The following PTCH2 variants were observed in gnomAD, a reference collection of about 807,000 sequenced individuals.
PTCH2 encodes the protein patched 2.
Under a neutral mutation model 117.9 loss-of-function variants are expected in PTCH2, and 96 were observed. The ratio of observed to expected loss-of-function variants is 0.81; its 90% CI spans 0.69 to 0.96. PTCH2 has a LOEUF of 0.96. Among genes scored for constraint, PTCH2 ranks in the 50% least tolerant of loss-of-function variants. The pLI is 0.00. For missense variants in PTCH2, 1,379 were observed against 1,562.5 expected (o/e 0.88, Z 1.98); for synonymous variants, 615 against 660.9 (o/e 0.93, Z 1.06).
chr1:44,819,944 A>T (rs1026057568), downstream of PTCH2: 1 of 153,372 alleles, frequency 6.5e-6, no homozygotes, highest in South Asian at 1.9e-4. Flanking sequence ...CTCTCCACGG[A>T]AATCTTTAGT....
In PTCH2 at chr1:44,823,016, C is replaced by T; in HGVS notation, c.3357+53G>A. The T allele has an allele frequency of 6.4e-7, 1 of 1,569,918 alleles. No individual in the cohort carries two copies. On this transcript the variant is annotated intron_variant, in intron 21 of 21. Coordinates refer to ENST00000372192, the MANE Select transcript of PTCH2 (RefSeq NM_003738.5). This position sits in a 1 kb window ranked among gnomAD's most constrained non-coding sequence, Gnocchi z 5.1. The stretch of plus-strand genomic sequence containing the variant: ...GCTCTGTCCCTTCCCTTGCCTCTCC[C>T]TACCCCGTCCCTTGGGCTGGGAGTA...
At chr1:44,837,857 T>A (rs1038120999) in intron 2 of PTCH2, among the ~76,000 whole-genome samples, 2 of 150,720 alleles carry the variant, frequency 1.3e-5, no homozygotes, top group East Asian at 4.0e-4. Flanking sequence ...GGCGGGCGGA[T>A]CACGAGGTCA....
chr1:44,822,625 T>C lies in PTCH2; in HGVS notation c.3402A>G (p.Pro1134=). The C allele has an allele frequency of 3.7e-6, 6 of 1,613,994 alleles. No homozygotes were observed. The highest frequency in any genetic ancestry group is 5.1e-6 in the Non-Finnish European group (6 of 1,179,932). Reference sequence around the variant, plus strand: ...ACCTAAGCCCGCCTCCCTGTGGAGCTGGTGGACTCAGGATCTCTGGGCTTT... The same window carrying C: ...ACCTAAGCCCGCCTCCCTGTGGAGCCGGTGGACTCAGGATCTCTGGGCTTT... The part of the protein sequence containing the change: ...YKESPEILSP[P]APQGGGLRWG... The change falls in exon 22 of 22, where the codon CCA becomes CCG. Residue 1134 remains proline, a synonymous_variant. Coordinates refer to ENST00000372192, the MANE Select transcript of PTCH2 (RefSeq NM_003738.5).
chr1:44,843,092 G>C lies in PTCH2; in HGVS notation c.-160C>G. On this transcript the variant is annotated 5_prime_UTR_variant, in exon 1 of 22. Transcript: ENST00000372192. ...GACTGTGGGGTGTGGGTGTTAAAGC[G>C]GCTGGGAGGGAGGAGTGCAGGGAGC... 6.5e-6 allele frequency: 9 copies of C among 1,394,136 alleles called. No homozygotes were observed. Among genetic ancestry groups the C allele is most frequent in the Non-Finnish European group, 4.6e-6 (5 of 1,077,202 alleles). 86.4% of individuals were successfully genotyped at this position (1,394,136 alleles called of 1,614,324 possible).
At chr1:44,835,606 C>A (rs945218725) in intron 2 of PTCH2, among the ~76,000 whole-genome samples, 1 of 152,190 alleles carries the variant, frequency 6.6e-6, no homozygotes, top group Non-Finnish European at 1.5e-5. Context: ...GCTCCATAAT[C>A]TTTGGTCCAG....
At chr1:44,830,324 G>C (rs958955715) in intron 6 of PTCH2, among the ~76,000 whole-genome samples, 2 of 152,174 alleles carry the variant, frequency 1.3e-5, no homozygotes, top group African/African-American at 2.4e-5. Context: ...GGGAAACCAG[G>C]TATGATATTC....
chr1:44,820,045 A>T (rs113960979), downstream of PTCH2: 18 of 187,744 alleles, frequency 9.6e-5, no homozygotes, highest in East Asian at 4.9e-4. Context: ...AACACTTAAC[A>T]CACTTATGGT....
Position 44,822,136 on chromosome 1 carries a change from G to A in PTCH2, c.*279C>T. 2 of 1,406,232 alleles carry A rather than the reference G, an allele frequency of 1.4e-6. No homozygotes were observed. Among genetic ancestry groups the A allele is most frequent in the Non-Finnish European group, 1.8e-6 (2 of 1,082,824 alleles). The allele number at this position is 1,406,232 out of a possible 1,614,324, so 87.1% of individuals were successfully genotyped here. ...CCCTCAGGCTTGGTCAGCTGGGCAG[G>A]CAGTGGTGTGGGGTGGGAAGGGGGA... On this transcript the variant is annotated 3_prime_UTR_variant, in exon 22 of 22. Transcript: ENST00000372192.
chr1:44,820,499 C>A (rs1025916137), downstream of PTCH2: 13 of 684,428 alleles, frequency 1.9e-5, no homozygotes, highest in Non-Finnish European at 3.3e-5. Context: ...CCCACCCCTC[C>A]TGGAGGAGAT....
In PTCH2 at chr1:44,829,720, C is replaced by A; in HGVS notation, c.977G>T (p.Arg326Leu). The A allele has an allele frequency of 6.2e-7, 1 of 1,614,188 alleles. No homozygotes were observed. The highest frequency in any genetic ancestry group is 1.1e-5 in the South Asian group (1 of 91,090). ...ACCCCGGAAATGCTCGTACAGCTGG[C>A]GGGGACTCATCAGCAAGAAGGTGCT... ...LQSTFLLMSP[R>L]QLYEHFRGDY... The change falls in exon 8 of 22, where the codon CGC becomes CTC. Residue 326 changes from arginine to leucine, a missense_variant. By Grantham distance (102) the Arg-to-Leu change is moderately radical (BLOSUM62 -2). Transcript: ENST00000372192.
chr1:44,833,408 T>C (rs1013828623), intron 2 of PTCH2, among the ~76,000 whole-genome samples: 3 of 151,824 alleles, frequency 2.0e-5, no homozygotes, highest in African/African-American at 7.3e-5. Flanking sequence ...AAGCCCCATC[T>C]GAGATCGTCA....
rs1012780887 is a variant in PTCH2 at position 44,826,635 on chromosome 1, G to A, written c.2829C>T (p.His943=). ...GGAAGGGGGAGCCGCTGGGGTAGGC[G>A]TGCACCCCAGCCTGGCCGGCCTCTG... ...ACAEAGQAGV[H]AYPSGSPFLF... is the part of the protein sequence containing the mutation. Residue 943 remains histidine (H), a synonymous_variant, in exon 18 of 22, where the codon CAC becomes CAT. Coordinates refer to ENST00000372192, the MANE Select transcript of PTCH2 (RefSeq NM_003738.5). This position sits in a 1 kb window ranked among gnomAD's most constrained non-coding sequence, Gnocchi z 5.1. 19 of 1,612,778 alleles carry A rather than the reference G, an allele frequency of 1.2e-5. No homozygotes were observed. Among genetic ancestry groups the A allele is most frequent in the East Asian group, 6.7e-5 (3 of 44,888 alleles).
chr1:44,829,817 G>GA, intron 7 of PTCH2, 56 bp from the exon 8 acceptor site: 1 of 1,614,064 alleles, frequency 6.2e-7, no homozygotes, highest in South Asian at 1.1e-5. Context: ...CCTGGTGAGG[G>GA]ATGTGAAGGG....
In PTCH2 at chr1:44,842,946, G is replaced by C. The variant is rs372495085; in HGVS notation, c.-14C>G. 5.0e-5 allele frequency: 77 copies of C among 1,533,868 alleles called. No individual in the cohort carries two copies. In the East Asian group the frequency reaches 1.6e-3, roughly 32 times the overall value. ...CGATCGAGTCATGCTGGCGGGGATG[G>C]GGGGCGCGGGCGCCCCCAACCCGCG... is the stretch of plus-strand genomic sequence containing the variant. On this transcript the variant is annotated 5_prime_UTR_variant, in exon 1 of 22. Transcript: ENST00000372192.
chr1:44,839,388 A>AAAAAAC (rs1653840805), intron 2 of PTCH2, among the ~76,000 whole-genome samples: 1 of 149,034 alleles, frequency 6.7e-6, no homozygotes, highest in African/African-American at 2.5e-5. Context: ...AAAAAACAGA[A>AAAAAAC]AGAAAAAAAA....
chr1:44,827,464 A>G lies in PTCH2; in HGVS notation c.2309T>C (p.Leu770Pro), dbSNP rs2148875328. Residue 770 changes from leucine to proline, a missense_variant, in exon 15 of 22, where the codon CTG becomes CCG. By Grantham distance (98) the Leu-to-Pro change is moderately conservative (BLOSUM62 -3). Transcript: ENST00000372192. The part of the protein sequence containing the change: ...HQRFSSLKAV[L>P]PPPATQAPRT... The stretch of plus-strand genomic sequence containing the variant: ...GGGTGCCTGGGTGGCCGGTGGGGGC[A>G]GCACCGCCTTGAGGGAACTGAAGCG... 1.2e-6 allele frequency: 2 copies of G among 1,614,082 alleles called. No individual in the cohort carries two copies. The highest frequency in any genetic ancestry group is 1.1e-5 in the South Asian group (1 of 91,084).
chr1:44,836,947 G>GTCTC (rs753006178), intron 2 of PTCH2, among the ~76,000 whole-genome samples: 2 of 152,152 alleles, frequency 1.3e-5, no homozygotes, highest in Non-Finnish European at 2.9e-5. Context: ...GTGAGACCCT[G>GTCTC]TCTCTATAAA....
chr1:44,821,860 A>C, downstream of PTCH2: 2 of 1,365,644 alleles, frequency 1.5e-6, no homozygotes, highest in Non-Finnish European at 2.0e-6. Context: ...CTGGCACCAG[A>C]GAAGCTCCTT....
At position 44,827,436 on chromosome 1, in the gene PTCH2, G is replaced by T. The variant is rs753966930; in HGVS notation, c.2337C>A (p.Arg779=). 1 of 1,613,976 alleles carries T rather than the reference G, an allele frequency of 6.2e-7. No homozygotes were observed. Among genetic ancestry groups the T allele is most frequent in the African/African-American group, 1.3e-5 (1 of 74,926 alleles). ...AGTTGCGGTAATAGTGCAGCCAGGT[G>T]CGGGGTGCCTGGGTGGCCGGTGGGG... is the stretch of plus-strand genomic sequence containing the variant. ...VLPPPATQAP[R]TWLHYYRNWL... The change falls in exon 15 of 22, where the codon CGC becomes CGA. Residue 779 remains arginine, a synonymous_variant. Coordinates refer to ENST00000372192, the MANE Select transcript of PTCH2 (RefSeq NM_003738.5).
Sources: allele counts gnomAD v4.1 joint callset (sites outside exome capture counted in the v4.1 genomes callset), GRCh38; gene constraint gnomAD v4.1.1; non-coding constraint Gnocchi (gnomAD v3.1); transcripts MANE v1.5; gene names NCBI Gene and HGNC (gene_info 2026-07-23, HGNC 2026-07-21).